RNF216: variants seen among roughly 807,000 people sequenced by gnomAD.
RNF216 encodes E3 ubiquitin-protein ligase RNF216.
In RNF216, 72 loss-of-function variants were observed where a neutral mutation model predicts 110.8. That is an observed-to-expected ratio of 0.65 (90% CI 0.54 to 0.79). The LOEUF is 0.79. Among genes scored for constraint, RNF216 ranks in the 30% least tolerant of loss-of-function variants. RNF216 has a pLI of 0.00. For missense variants in RNF216, 1,342 were observed against 1,141.2 expected (o/e 1.18, Z -2.54); for synonymous variants, 495 against 407.5 (o/e 1.21, Z -2.59).
At chr7:5,691,895 G>A (rs962643429) in intron 13 of RNF216, among the ~76,000 whole-genome samples, 13 of 152,198 alleles carry the variant, frequency 8.5e-5, no homozygotes, top group Non-Finnish European at 5.9e-5. Flanking sequence ...CTTTTACAGC[G>A]GAAGTCAAGA....
intron 13 of RNF216, among the ~76,000 whole-genome samples, chr7:5,661,823 A>T (rs1406729083): frequency 6.6e-6 from 1 of 152,148 alleles, no homozygotes; most frequent in Non-Finnish European, 1.5e-5. Context: ...AAAACAAAAA[A>T]GGTAAGAGAA....
intron 15 of RNF216, among the ~76,000 whole-genome samples, chr7:5,632,228 T>G (rs1022514415): frequency 2.6e-5 from 4 of 152,232 alleles, no homozygotes; most frequent in African/African-American, 9.6e-5. Flanking sequence ...GCTGCATCTT[T>G]ACTCGCTGCC....
At chr7:5,720,185 C>A (rs898962889) in intron 9 of RNF216, among the ~76,000 whole-genome samples, 1 of 152,136 alleles carries the variant, frequency 6.6e-6, no homozygotes, top group African/African-American at 2.4e-5. Context: ...GCTTGATCAA[C>A]AGAGATGTGA....
chr7:5,649,535 T>C (rs1788258252), intron 14 of RNF216: 1 of 151,924 alleles, frequency 6.6e-6, no homozygotes. Flanking sequence ...CGTTTTGACA[T>C]CTGGCAGGAT....
intron 1 of RNF216, chr7:5,777,626 A>G (rs1296910030): frequency 6.6e-6 from 1 of 152,256 alleles, no homozygotes; most frequent in African/African-American, 2.4e-5. Flanking sequence ...CAGGATGGTG[A>G]TGCTATTAAG....
At chr7:5,629,667 A>C (rs1786937808) in intron 15 of RNF216, among the ~76,000 whole-genome samples, 1 of 151,836 alleles carries the variant, frequency 6.6e-6, no homozygotes, top group Admixed American at 6.6e-5. Context: ...TCTCTACTAA[A>C]AATACAAAAA....
chr7:5,753,114 G>A (rs6463513), intron 2 of RNF216, 135 bp from the exon 3 acceptor site: 70,040 of 782,962 alleles, frequency 0.089, 6,271 homozygotes, highest in African/African-American at 0.4. Flanking sequence ...CAAGCAGCCC[G>A]TGCACTTAAG....
chr7:5,691,127 C>G (rs749133468), intron 13 of RNF216, among the ~76,000 whole-genome samples: 2 of 152,224 alleles, frequency 1.3e-5, no homozygotes, highest in African/African-American at 2.4e-5. Context: ...ACACCCATTT[C>G]TCTAACCGTG....
chr7:5,753,177 CT>C (rs1381524274), intron 2 of RNF216, among the ~76,000 whole-genome samples, 198 bp from the exon 3 acceptor site: 1 of 152,202 alleles, frequency 6.6e-6, no homozygotes, highest in African/African-American at 2.4e-5. Flanking sequence ...ATTTTGGGAA[CT>C]GCTAGAGAAC....
intron 13 of RNF216, among the ~76,000 whole-genome samples, chr7:5,695,617 C>T (rs1429514848): frequency 6.6e-6 from 1 of 152,172 alleles, no homozygotes; most frequent in Non-Finnish European, 1.5e-5. Context: ...GAATTGCTTG[C>T]TAGCAGTGGT....
intron 1 of RNF216, among the ~76,000 whole-genome samples, chr7:5,762,316 A>T (rs536375430): frequency 2.0e-5 from 3 of 152,010 alleles, no homozygotes; most frequent in Non-Finnish European, 2.9e-5. Context: ...TAAGGTGAGG[A>T]GTTTGAGACC....
At chr7:5,742,551 G>C (rs1333530964) in intron 3 of RNF216, among the ~76,000 whole-genome samples, 1 of 141,022 alleles carries the variant, frequency 7.1e-6, no homozygotes, top group Non-Finnish European at 1.5e-5. Context: ...TTTTAAATTA[G>C]ATAATACCAA....
intron 13 of RNF216, among the ~76,000 whole-genome samples, chr7:5,678,145 AAT>A (rs749285667): frequency 6.6e-6 from 1 of 152,170 alleles, no homozygotes; most frequent in Non-Finnish European, 1.5e-5. Flanking sequence ...TAAATTTGCC[AAT>A]ACTCAGGCAT....
chr7:5,749,195 G>T (rs967703017), intron 3 of RNF216, among the ~76,000 whole-genome samples: 2 of 149,886 alleles, frequency 1.3e-5, no homozygotes, highest in Non-Finnish European at 3.0e-5. Context: ...CTGTCATACA[G>T]GCTAGAGTGC....
At chr7:5,684,039 A>C (rs1790819928) in intron 13 of RNF216, among the ~76,000 whole-genome samples, 1 of 150,480 alleles carries the variant, frequency 6.6e-6, no homozygotes, top group African/African-American at 2.4e-5. Context: ...TTGGTCTGGC[A>C]GTATCAGGTA....
intron 8 of RNF216, among the ~76,000 whole-genome samples, chr7:5,721,907 T>G (rs1455582442): frequency 3.3e-5 from 5 of 152,240 alleles, no homozygotes; most frequent in African/African-American, 1.2e-4. Flanking sequence ...TTGTACTTGT[T>G]TCACTGATTT....
intron 13 of RNF216, among the ~76,000 whole-genome samples, chr7:5,662,233 C>A (rs1231965090): frequency 6.6e-6 from 1 of 152,180 alleles, no homozygotes; most frequent in Admixed American, 6.5e-5. Context: ...CTGCTAATCA[C>A]AGGGTGATCT....
intron 13 of RNF216, among the ~76,000 whole-genome samples, chr7:5,693,019 G>A (rs1057182259): frequency 1.3e-5 from 2 of 152,180 alleles, no homozygotes; most frequent in African/African-American, 4.8e-5. Flanking sequence ...TGCACCCATT[G>A]TTCTACGTCT....
In RNF216 at chr7:5,725,329, T is replaced by G. The variant is rs754390760; in HGVS notation, c.1499A>C (p.Glu500Ala). Residue 500 changes from glutamate (E) to alanine (A), a missense_variant, in exon 8 of 17, where the codon GAA becomes GCA. Transcript: ENST00000389902. Reference protein sequence around the residue: ...NQYSYIDFKFEQGDIKIEKRM... With the variant: ...NQYSYIDFKFAQGDIKIEKRM... ...ACCAACACAGTTTGCATTACCTTGT[T>G]CAAACTTGAAATCAATGTAAGAATA... 1 of 1,581,784 alleles carries G rather than the reference T, an allele frequency of 6.3e-7. No individual in the cohort carries two copies. The highest frequency in any genetic ancestry group is 1.1e-5 in the South Asian group (1 of 90,320).
Sources: allele counts gnomAD v4.1 joint callset (sites outside exome capture counted in the v4.1 genomes callset), GRCh38; gene constraint gnomAD v4.1.1; transcripts MANE v1.5; gene names NCBI Gene and HGNC (gene_info 2026-07-23, HGNC 2026-07-21).